TRIM6: variants seen among roughly 807,000 people sequenced by gnomAD.
TRIM6 encodes the protein tripartite motif containing 6.
A neutral mutation model predicts 51.2 loss-of-function variants in TRIM6; 43 were observed. The observed-to-expected ratio is 0.84, with a 90% CI of 0.66 to 1.08. The LOEUF (loss-of-function observed/expected upper bound fraction) is 1.08, where lower values mean the gene tolerates loss of function less well. Ranked by LOEUF, TRIM6 falls within the 50% of genes least tolerant of loss-of-function variation. The pLI is 0.00. For missense variants in TRIM6, 669 were observed against 619.0 expected, an observed-to-expected ratio of 1.08 and a Z score of -0.86; for synonymous variants, 215 against 232.4, an observed-to-expected ratio of 0.93 and a Z score of 0.68.
chr11:5,604,965 G>A (rs1356559047), intron 3 of TRIM6, among the ~76,000 whole-genome samples: 2 of 152,146 alleles, frequency 1.3e-5, no homozygotes, highest in Non-Finnish European at 2.9e-5. Context: ...TGCAGGTAAG[G>A]CTTGTGAAGA....
intron 7 of TRIM6, 68 bp from the exon 8 acceptor site, chr11:5,610,709 T>G: frequency 6.3e-7 from 1 of 1,580,838 alleles, no homozygotes; most frequent in Non-Finnish European, 8.6e-7. Flanking sequence ...TTCCTGTGTT[T>G]CCTCTTCTCA....
intron 1 of TRIM6, among the ~76,000 whole-genome samples, chr11:5,597,811 C>T (rs1847564678): frequency 6.6e-6 from 1 of 152,178 alleles, no homozygotes; most frequent in Non-Finnish European, 1.5e-5. Context: ...CTGTCCCCCT[C>T]CCTCTTCTAG....
Position 5,611,975 on chromosome 11 carries a change from C to T in TRIM6, c.*633C>T, listed in dbSNP as rs1848596337. The T allele has an allele frequency of 2.0e-5, 3 of 152,092 alleles. No homozygotes were observed. Among genetic ancestry groups the T allele is most frequent in the Non-Finnish European group, 4.4e-5 (3 of 68,034 alleles). The allele number at this position is 152,092 out of a possible 1,614,324, so 9.4% of individuals were successfully genotyped here. A position where few individuals can be genotyped will look rare whatever the true frequency, so the allele number is the denominator to read the frequency against. On this transcript the variant is annotated 3_prime_UTR_variant, in exon 8 of 8. Transcript: ENST00000380097. ...CAAGTTTTTGTATAAAATGAAAACT[C>T]GTATTCTACCTATGTCTTTTCTGTA...
intron 1 of TRIM6, among the ~76,000 whole-genome samples, chr11:5,598,724 TGA>T (rs1338331827): frequency 3.9e-5 from 6 of 152,234 alleles, no homozygotes; most frequent in Non-Finnish European, 7.3e-5. Flanking sequence ...GCTACATGTT[TGA>T]CAACACAGTT....
intron 3 of TRIM6, chr11:5,604,926 T>G (rs1848117088): frequency 4.6e-6 from 2 of 436,262 alleles, no homozygotes; most frequent in East Asian, 9.1e-5. Flanking sequence ...GCTTTTCCCT[T>G]GCATTCAGAG....
rs756972348 is a variant in TRIM6 at position 5,605,312 on chromosome 11, C to G, written c.604-25C>G. On this transcript the variant is annotated intron_variant, in intron 3 of 7. Coordinates refer to ENST00000380097, the MANE Select transcript of TRIM6 (RefSeq NM_001003818.3). ...ACCCTCAGTGTGACCGACTAGCAGCCTCTTTTTCTTCCCTGTTCCTGAAGA... is the reference window on the plus strand; with the variant it reads ...ACCCTCAGTGTGACCGACTAGCAGCGTCTTTTTCTTCCCTGTTCCTGAAGA... The G allele has an allele frequency of 4.3e-6, 7 of 1,613,646 alleles. No individual in the cohort carries two copies. The South Asian group carries it at 7.7e-5, about 18-fold the overall frequency.
chr11:5,607,205 A>G (rs1848276583), intron 4 of TRIM6, among the ~76,000 whole-genome samples: 1 of 150,886 alleles, frequency 6.6e-6, no homozygotes, highest in African/African-American at 2.4e-5. Flanking sequence ...CTCCATCTCA[A>G]AAAAAAAAAA....
At chr11:5,605,193 G>A (rs1182299728) in intron 3 of TRIM6, 144 bp from the exon 4 acceptor site, 2 of 1,093,394 alleles carry the variant, frequency 1.8e-6, no homozygotes, top group Non-Finnish European at 2.7e-6. Context: ...AGGCTACAAA[G>A]GCTTTCTCCT....
At chr11:5,599,249 G>A (rs925800920) in intron 1 of TRIM6, among the ~76,000 whole-genome samples, 1 of 152,142 alleles carries the variant, frequency 6.6e-6, no homozygotes, top group African/African-American at 2.4e-5. Context: ...GCATTTATGA[G>A]GCAGTAGTTC....
chr11:5,603,877 A>C, intron 2 of TRIM6, 142 bp downstream of exon 2: 1 of 1,414,688 alleles, frequency 7.1e-7, no homozygotes, highest in South Asian at 1.5e-5. Flanking sequence ...GATTAAGAAT[A>C]GATTCTTTAT....
intron 1 of TRIM6, 108 bp downstream of exon 1, chr11:5,597,022 T>C (rs1455296118): frequency 6.4e-7 from 1 of 1,558,700 alleles, no homozygotes; most frequent in East Asian, 2.3e-5. Context: ...TATATCTTTA[T>C]TTCTTTTTCT....
At chr11:5,597,261 T>C (rs909105079) in intron 1 of TRIM6, among the ~76,000 whole-genome samples, 17 of 152,184 alleles carry the variant, frequency 1.1e-4, no homozygotes, top group African/African-American at 4.1e-4. Context: ...CTTAGAGTTT[T>C]GGTGAGGATT....
intron 5 of TRIM6, among the ~76,000 whole-genome samples, chr11:5,608,868 T>TTTTTTTTTTA (rs1848389910): frequency 2.7e-5 from 4 of 146,780 alleles, no homozygotes; most frequent in Non-Finnish European, 4.5e-5. Flanking sequence ...TTTTTTTTTT[T>TTTTTTTTTTA]GAGACAGAGT....
At chr11:5,596,634 C>T (rs1038759532), upstream of TRIM6, 13 of 402,356 alleles carry the variant, frequency 3.2e-5, no homozygotes, top group Admixed American at 4.9e-5. Flanking sequence ...CCCGACTCCT[C>T]CCAGAAGGAG....
At position 5,608,377 on chromosome 11, in the gene TRIM6, G is replaced by A. The variant is rs10769121; in HGVS notation, c.840G>A (p.Val280=). Residue 280 remains valine (V), a synonymous_variant, in exon 5 of 8, where the codon GTG becomes GTA. Coordinates refer to ENST00000380097, the MANE Select transcript of TRIM6 (RefSeq NM_001003818.3). ...CCTGTCTTTTTCCTTCCTAGGATGT[G>A]AGTGATGTCACAGAAAGGTATGTGT... The part of the protein sequence containing the change: ...QGSTMELLQD[V]SDVTERSEFW... The A allele has an allele frequency of 0.26, 421,531 of 1,611,956 alleles. 60,419 individuals carry two copies. Among genetic ancestry groups the A allele is most frequent in the African/African-American group, 0.52 (38,628 of 74,832 alleles).
chr11:5,610,579 C>T lies in TRIM6; in HGVS notation c.985+18C>T. 6.2e-7 allele frequency: 1 copy of T among 1,609,968 alleles called. No homozygotes were observed. The highest frequency in any genetic ancestry group is 8.5e-7 in the Non-Finnish European group (1 of 1,177,906). On this transcript the variant is annotated intron_variant, in intron 7 of 7. Coordinates refer to ENST00000380097, the MANE Select transcript of TRIM6 (RefSeq NM_001003818.3). ...CTACTGGGGTAAGTAGAAGCCATGGCCTCTTTGGGCTGGCACATTCTGATC... is the reference window on the plus strand; with the variant it reads ...CTACTGGGGTAAGTAGAAGCCATGGTCTCTTTGGGCTGGCACATTCTGATC...
At chr11:5,608,590 T>C (rs1180258162) in intron 5 of TRIM6, among the ~76,000 whole-genome samples, 196 bp downstream of exon 5, 1 of 151,982 alleles carries the variant, frequency 6.6e-6, no homozygotes, top group Non-Finnish European at 1.5e-5. Flanking sequence ...ATGTGGGTGA[T>C]GGGAGGTCAG....
At position 5,610,893 on chromosome 11, in the gene TRIM6, T is replaced by G. The variant is rs1564871708; in HGVS notation, c.1102T>G (p.Tyr368Asp). The change falls in exon 8 of 8, where the codon TAT becomes GAT. Residue 368 changes from tyrosine to aspartate, a missense_variant. Tyr to Asp is a radical substitution (Grantham distance 160). Coordinates refer to ENST00000380097, the MANE Select transcript of TRIM6 (RefSeq NM_001003818.3). Reference protein sequence around the residue: ...VSGPSCLEKHYDCSVLGSQHF... With the variant: ...VSGPSCLEKHDDCSVLGSQHF... ...TGGACCTTCCTGTCTGGAAAAGCAT[T>G]ATGACTGTAGTGTCCTGGGCTCCCA... The G allele has an allele frequency of 6.2e-7, 1 of 1,614,202 alleles. No individual in the cohort carries two copies. Among genetic ancestry groups the G allele is most frequent in the African/African-American group, 1.3e-5 (1 of 75,052 alleles).
Position 5,612,795 on chromosome 11 carries a change from C to T in TRIM6, c.*1453C>T, listed in dbSNP as rs1848625361. 1 of 152,212 alleles carries T rather than the reference C, an allele frequency of 6.6e-6. No individual in the cohort carries two copies. Among genetic ancestry groups the T allele is most frequent in the Admixed American group, 6.5e-5 (1 of 15,278 alleles). 9.4% of individuals were successfully genotyped at this position (152,212 alleles called of 1,614,324 possible). A position where few individuals can be genotyped will look rare whatever the true frequency, so the allele number is the denominator to read the frequency against. The stretch of plus-strand genomic sequence containing the variant: ...GTTGAGTACTTCATACATGCCTAGT[C>T]TGAATTGAGATGTGCTCAATGTATA... On this transcript the variant is annotated 3_prime_UTR_variant, in exon 8 of 8. Coordinates refer to ENST00000380097, the MANE Select transcript of TRIM6 (RefSeq NM_001003818.3).
Sources: allele counts gnomAD v4.1 joint callset (sites outside exome capture counted in the v4.1 genomes callset), GRCh38; gene constraint gnomAD v4.1.1; transcripts MANE v1.5; gene names NCBI Gene and HGNC (gene_info 2026-07-23, HGNC 2026-07-21).